The following TCF25 variants were observed in gnomAD, a reference collection of about 807,000 sequenced individuals.
TCF25 encodes ribosome quality control complex subunit TCF25.
A neutral mutation model predicts 83.1 loss-of-function variants in TCF25; 41 were observed. The observed-to-expected ratio is 0.49, with a 90% confidence interval of 0.38 to 0.64. TCF25 has a LOEUF of 0.64. Among genes scored for constraint, TCF25 ranks in the 30% least tolerant of loss-of-function variants. TCF25 has a pLI of 0.00. For missense variants in TCF25, 979 were observed against 914.5 expected, an observed-to-expected ratio of 1.07 and a Z score of -0.91; for synonymous variants, 458 against 365.0, an observed-to-expected ratio of 1.25 and a Z score of -2.90.
intron 16 of TCF25, chr16:89,908,974 A>G (rs965147321): frequency 1.0e-5 from 13 of 1,289,208 alleles, no homozygotes; most frequent in Middle Eastern, 2.1e-4. Context: ...AGGAAGGGAG[A>G]GGAGGAGAGG....
At chr16:89,895,230 A>G in intron 8 of TCF25, 93 bp downstream of exon 8, 1 of 1,182,552 alleles carries the variant, frequency 8.5e-7, no homozygotes, top group Non-Finnish European at 1.2e-6. Flanking sequence ...AGGGGTTGCC[A>G]GGATATCCAT....
At chr16:89,886,805 T>TG (rs1254404519) in intron 4 of TCF25, among the ~76,000 whole-genome samples, 1 of 150,376 alleles carries the variant, frequency 6.6e-6, no homozygotes, top group African/African-American at 2.4e-5. Context: ...GATGTGGTGG[T>TG]GGGTGCCTGT....
intron 11 of TCF25, 71 bp downstream of exon 11, chr16:89,898,943 T>A: frequency 1.4e-6 from 2 of 1,453,840 alleles, no homozygotes; most frequent in South Asian, 1.2e-5. Flanking sequence ...CTTGGTTCAG[T>A]ATCTGTGCGC....
intron 5 of TCF25, chr16:89,889,380 T>C (rs1353122724): frequency 3.7e-6 from 1 of 268,864 alleles, no homozygotes; most frequent in Non-Finnish European, 7.2e-6. Flanking sequence ...TCTTACTTTG[T>C]TGCCCAGGGT....
intron 12 of TCF25, among the ~76,000 whole-genome samples, chr16:89,902,993 C>G (rs1463439300): frequency 6.6e-6 from 1 of 152,194 alleles, no homozygotes; most frequent in African/African-American, 2.4e-5. Flanking sequence ...CTGGCCAGGC[C>G]TCAGTCTGCT....
At chr16:89,892,370 G>T in intron 6 of TCF25, 95 bp downstream of exon 6, 3 of 1,427,188 alleles carry the variant, frequency 2.1e-6, no homozygotes, top group Non-Finnish European at 2.8e-6. Context: ...GTCTGCAGAG[G>T]CTGCTGGGGG....
rs370180445 is a variant in TCF25 at position 89,906,267 on chromosome 16, G to A, written c.1702G>A (p.Val568Ile). 6.2e-6 allele frequency: 10 copies of A among 1,613,198 alleles called. No individual in the cohort carries two copies. The highest frequency in any genetic ancestry group is 1.3e-5 in the African/African-American group (1 of 75,066). The change falls in exon 15 of 18, where the codon GTC (valine) becomes ATC (isoleucine). Residue 568 changes from valine (V) to isoleucine (I), a missense_variant. Val to Ile is a conservative substitution (Grantham distance 29, BLOSUM62 3). Transcript: ENST00000263346. ...GATCCTCTCTGAGATCAAGGAAGCC[G>A]TCGCTGCCCTGCCCCCGGTAAGGGA... ...HVILSEIKEA[V>I]AALPPDVTTQ... is the part of the protein sequence containing the mutation.
chr16:89,886,317 A>G (rs529554768), intron 4 of TCF25, among the ~76,000 whole-genome samples: 2 of 152,094 alleles, frequency 1.3e-5, no homozygotes, highest in African/African-American at 2.4e-5. Flanking sequence ...AGTCCCAGCT[A>G]CTCGGGAGGC....
intron 17 of TCF25, 37 bp downstream of exon 17, chr16:89,910,700 G>T: frequency 6.2e-7 from 1 of 1,604,128 alleles, no homozygotes. Flanking sequence ...CCTCCCCAGT[G>T]GGTGCGGGCA....
chr16:89,900,246 G>C (rs76957806), intron 11 of TCF25, among the ~76,000 whole-genome samples: 2 of 142,382 alleles, frequency 1.4e-5, no homozygotes, highest in South Asian at 2.3e-4. Flanking sequence ...GCTGCTCTCG[G>C]AAACTCGCGC....
At chr16:89,889,256 T>C (rs1485021104) in intron 5 of TCF25, 1 of 400,820 alleles carries the variant, frequency 2.5e-6, no homozygotes, top group Non-Finnish European at 4.9e-6. Flanking sequence ...TTGTCCAGTC[T>C]GGTTTTGAAC....
intron 4 of TCF25, 198 bp downstream of exon 4, chr16:89,886,164 A>C (rs1357329976): frequency 1.0e-5 from 6 of 579,918 alleles, no homozygotes; most frequent in Non-Finnish European, 9.7e-6. Flanking sequence ...GTGGTGGCTC[A>C]CGCCTGTAAT....
chr16:89,889,746 C>G (rs1035519308), intron 5 of TCF25: 1 of 152,884 alleles, frequency 6.5e-6, no homozygotes, highest in African/African-American at 2.4e-5. Flanking sequence ...GATGGGGTTT[C>G]TCCATGTTGG....
rs374155350 is a variant in TCF25 at position 89,899,016 on chromosome 16, G to A, written c.1221+144G>A. 5.0e-6 allele frequency: 4 copies of A among 793,538 alleles called. No individual in the cohort carries two copies. The Admixed American group carries it at 6.2e-5, about 12-fold the overall frequency. 49.2% of individuals were successfully genotyped at this position (793,538 alleles called of 1,614,324 possible). On this transcript the variant is annotated intron_variant, in intron 11 of 17. Transcript: ENST00000263346. ...GGGCAGAACCACGTCCTCCTGCCTT[G>A]TTTGTCTCCCTTGCCGCCTCTACGG...
chr16:89,908,794 C>CCTCCCAGCTCCCACCTCGCAGCTCCCAG lies in TCF25; in HGVS notation c.1799+1504_1799+1531dup, dbSNP rs535531959. 7.2e-5 allele frequency among the ~76,000 whole-genome samples: 10 copies of CCTCCCAGCTCCCACCTCGCAGCTCCCAG among 138,164 alleles called. No homozygotes were observed. The East Asian group carries it at 7.9e-4, about 11-fold the overall frequency. The allele number at this position is 138,164 out of a possible 152,430, so 90.6% of individuals were successfully genotyped here. A position where few individuals can be genotyped will look rare whatever the true frequency, so the allele number is the denominator to read the frequency against. Reference sequence around the variant, plus strand: ...CCCGCCTCCCTCCTCCCAGTTTCCACCTCCCAGCTCCCACCTCGCAGCTCC... The same window carrying CCTCCCAGCTCCCACCTCGCAGCTCCCAG: ...CCCGCCTCCCTCCTCCCAGTTTCCACCTCCCAGCTCCCACCTCGCAGCTCCCAGCTCCCAGCTCCCACCTCGCAGCTCC... On this transcript the variant is annotated intron_variant, in intron 16 of 17. Coordinates refer to ENST00000263346, the MANE Select transcript of TCF25 (RefSeq NM_014972.3).
At chr16:89,889,411 A>T in intron 5 of TCF25, 2 of 254,028 alleles carry the variant, frequency 7.9e-6, no homozygotes, top group Non-Finnish European at 1.5e-5. Flanking sequence ...TCCTGGCTTC[A>T]AGCGATTCTC....
chr16:89,900,531 C>T, intron 11 of TCF25, 104 bp from the exon 12 acceptor site: 2 of 1,351,314 alleles, frequency 1.5e-6, no homozygotes, highest in Non-Finnish European at 2.0e-6. Flanking sequence ...GCAGAATATA[C>T]CTGCTCGGGG....
chr16:89,901,553 G>T (rs2044335865), intron 12 of TCF25, among the ~76,000 whole-genome samples: 1 of 128,392 alleles, frequency 7.8e-6, no homozygotes, highest in South Asian at 2.5e-4. Flanking sequence ...AGACCATCCT[G>T]ACTAACACGG....
At chr16:89,885,501 CGTCTGACTGT>C (rs2042935595) in intron 3 of TCF25, among the ~76,000 whole-genome samples, 1 of 152,338 alleles carries the variant, frequency 6.6e-6, no homozygotes, top group African/African-American at 2.4e-5. Context: ...CCTTCGTCCT[CGTCTGACTGT>C]GTCCTGAGAC....
Sources: allele counts gnomAD v4.1 joint callset (sites outside exome capture counted in the v4.1 genomes callset), GRCh38; gene constraint gnomAD v4.1.1; transcripts MANE v1.5; gene names NCBI Gene and HGNC (gene_info 2026-07-23, HGNC 2026-07-21).